Variants in CRLF2 observed in about 807,000 individuals in gnomAD.
CRLF2 encodes cytokine receptor-like factor 2.
A neutral mutation model predicts 38.7 loss-of-function variants in CRLF2; 41 were observed. The ratio of observed to expected loss-of-function variants is 1.06; its 90% CI spans 0.83 to 1.37. CRLF2 has a LOEUF of 1.37. CRLF2 is among the 40% of genes most tolerant of loss of function. The pLI is 0.00. For synonymous variants in CRLF2, 140 were observed against 128.8 expected, an observed-to-expected ratio of 1.09 and a Z score of -0.59; for missense variants, 377 against 322.2, an observed-to-expected ratio of 1.17 and a Z score of -1.30.
At position 1,198,692 on chromosome X, in the gene CRLF2, T is replaced by C; in HGVS notation, c.516A>G (p.Ile172Met). The C allele has an allele frequency of 6.2e-7, 1 of 1,612,154 alleles. No individual in the cohort carries two copies. The highest frequency in any genetic ancestry group is 8.5e-7 in the Non-Finnish European group (1 of 1,179,104). ...AACACTTCTCGGCATCCAAGCCTTC[T>C]ATGGTGACGTTGCAGGTATTTTCCT... is the stretch of plus-strand genomic sequence containing the variant. The part of the protein sequence containing the change: ...SKQENTCNVT[I>M]EGLDAEKCYS... The change falls in exon 5 of 8, where the codon ATA (isoleucine) becomes ATG (methionine). Residue 172 changes from isoleucine (I) to methionine (M), a missense_variant. Ile to Met is a conservative substitution (Grantham distance 10, BLOSUM62 1). Transcript: ENST00000400841.
intron 4 of CRLF2, among the ~76,000 whole-genome samples, chrX:1,200,552 A>G (rs1186183951): frequency 1.4e-5 from 2 of 145,104 alleles, no homozygotes; most frequent in Admixed American, 7.2e-5. Context: ...ATGTGTGGGT[A>G]TATATATGTG....
Position 1,202,554 on chromosome X carries a change from G to A in CRLF2, c.350-19C>T, listed in dbSNP as rs760188088. 2.0e-5 allele frequency: 33 copies of A among 1,613,484 alleles called. No individual in the cohort carries two copies. Among genetic ancestry groups the A allele is most frequent in the Admixed American group, 1.3e-4 (8 of 59,970 alleles). ...GGTTTCACTGAGAAGAAGAAATAAC[G>A]GAAGCGACGTCCCTCCTCTCTGAGC... On this transcript the variant is annotated intron_variant, in intron 3 of 7. Coordinates refer to ENST00000400841, the MANE Select transcript of CRLF2 (RefSeq NM_022148.4).
chrX:1,204,715 C>CG (rs1238091387), intron 3 of CRLF2, among the ~76,000 whole-genome samples: 5 of 148,364 alleles, frequency 3.4e-5, no homozygotes, highest in African/African-American at 5.0e-5. Context: ...TTAATAGAGA[C>CG]GGGGTTTCAC....
intron 2 of CRLF2, among the ~76,000 whole-genome samples, chrX:1,206,942 CTTT>C (rs766628411): frequency 0.16 from 18,435 of 115,124 alleles, 1,717 homozygotes; most frequent in Admixed American, 0.25. Context: ...ACCACACCGG[CTTT>C]TTTTTTTTTT....
In CRLF2 at chrX:1,198,736, T is replaced by TACACATACAC. The variant is rs760783098; in HGVS notation, c.484-13_484-12insGTGTATGTGT. On this transcript the variant is annotated splice_polypyrimidine_tract_variant and intron_variant, in intron 4 of 7. Transcript: ENST00000400841. ...TTTTCCTGTTTGGACTGGAGAAACA[T>TACACATACAC]ACACACACACACACACACACACACA... is the stretch of plus-strand genomic sequence containing the variant. The TACACATACAC allele has an allele frequency of 7.7e-3, 6,336 of 825,488 alleles. 296 individuals carry two copies. The highest frequency in any genetic ancestry group is 0.019 in the East Asian group (613 of 32,572). The allele number at this position is 825,488 out of a possible 1,614,324, so 51.1% of individuals were successfully genotyped here. A position where few individuals can be genotyped will look rare whatever the true frequency, so the allele number is the denominator to read the frequency against.
intron 1 of CRLF2, among the ~76,000 whole-genome samples, chrX:1,210,109 AAAAAAAG>A (rs2086768446): frequency 2.2e-5 from 2 of 90,198 alleles, no homozygotes; most frequent in African/African-American, 1.1e-4. Flanking sequence ...CTATCAAAAA[AAAAAAAG>A]AAAAGAAAAG....
Position 1,209,435 on chromosome X carries a change from C to T in CRLF2, c.80-527G>A, listed in dbSNP as rs1284012715. 4.0e-5 allele frequency among the ~76,000 whole-genome samples: 6 copies of T among 149,784 alleles called. No individual in the cohort carries two copies. The East Asian group carries it at 1.2e-3, about 30-fold the overall frequency. ...CAAGCTCCGCCTCCCGGGTTCACGC[C>T]ATTCTCCTGCCTCAGCCTCCCGAGT... On this transcript the variant is annotated intron_variant, in intron 1 of 7. Coordinates refer to ENST00000400841, the MANE Select transcript of CRLF2 (RefSeq NM_022148.4).
chrX:1,193,728 T>G (rs1271116956), intron 6 of CRLF2, among the ~76,000 whole-genome samples: 180 of 131,984 alleles, frequency 1.4e-3, no homozygotes, highest in African/African-American at 5.1e-3. Context: ...GTTTCAGTGA[T>G]CCGAGATTGC....
At chrX:1,199,892 T>C (rs1480192405) in intron 4 of CRLF2, among the ~76,000 whole-genome samples, 2 of 76,638 alleles carry the variant, frequency 2.6e-5, no homozygotes, top group Non-Finnish European at 7.3e-5. Flanking sequence ...TATGTATCTA[T>C]ATGTGTGTGT....
At chrX:1,206,354 G>A (rs1183133511) in intron 3 of CRLF2, 79 bp downstream of exon 3, 1 of 1,283,924 alleles carries the variant, frequency 7.8e-7, no homozygotes, top group African/African-American at 1.5e-5. Context: ...CGATTTGCAT[G>A]AGCTTGGTTT....
chrX:1,191,364 T>TTCTCTTTCTTTCTTTCTC (rs2086377776), intron 7 of CRLF2, among the ~76,000 whole-genome samples: 5 of 132,552 alleles, frequency 3.8e-5, no homozygotes, highest in African/African-American at 5.6e-5. Flanking sequence ...TTTCTTTCCT[T>TTCTCTTTCTTTCTTTCTC]TCTTTCTCTT....
rs367776017 is a variant in CRLF2, at chrX:1,198,546, G to T, written c.646+16C>A. 5.6e-6 allele frequency: 9 copies of T among 1,612,956 alleles called. No homozygotes were observed. The highest frequency in any genetic ancestry group is 2.2e-5 in the South Asian group (2 of 91,060). ...GGTGACAAGGCTATGGGACACTGCC[G>T]CGTAACAAGCATTACCCCGAATCTC... On this transcript the variant is annotated intron_variant, in intron 5 of 7. Transcript: ENST00000400841.
At chrX:1,194,081 T>C (rs2086439659) in intron 6 of CRLF2, among the ~76,000 whole-genome samples, 1 of 145,782 alleles carries the variant, frequency 6.9e-6, no homozygotes, top group South Asian at 2.2e-4. Context: ...TCTGAGATTG[T>C]GCCACTGCTC....
chrX:1,192,210 A>G (rs1156563754), intron 7 of CRLF2, among the ~76,000 whole-genome samples: 3 of 120,548 alleles, frequency 2.5e-5, no homozygotes, highest in South Asian at 2.7e-4. Flanking sequence ...GTCTCAAAAA[A>G]AAAAAAAAAA....
intron 7 of CRLF2, among the ~76,000 whole-genome samples, chrX:1,192,716 CT>C (rs1217262965): frequency 3.1e-5 from 1 of 32,686 alleles, no homozygotes; most frequent in Non-Finnish European, 5.5e-5. Flanking sequence ...TCTTTTCTTT[CT>C]TTCTTTCTTT....
chrX:1,195,017 G>T (rs1264751618), intron 6 of CRLF2, among the ~76,000 whole-genome samples: 1 of 151,834 alleles, frequency 6.6e-6, no homozygotes, highest in Non-Finnish European at 1.5e-5. Flanking sequence ...GGGTGACAGA[G>T]TGAGACTCAG....
intron 3 of CRLF2, among the ~76,000 whole-genome samples, chrX:1,203,927 A>T (rs1378967306): frequency 1.3e-5 from 2 of 152,222 alleles, no homozygotes; most frequent in East Asian, 1.9e-4. Flanking sequence ...ATAAAAAAGT[A>T]AAAAAGAAAC....
chrX:1,201,658 GAGAC>G (rs1159714810), intron 4 of CRLF2, among the ~76,000 whole-genome samples: 2 of 136,928 alleles, frequency 1.5e-5, no homozygotes, highest in East Asian at 4.1e-4. Flanking sequence ...ATTAGATAGA[GAGAC>G]AGACAGACAG....
chrX:1,207,896 C>T (rs1408825939), intron 2 of CRLF2, among the ~76,000 whole-genome samples: 5 of 152,138 alleles, frequency 3.3e-5, no homozygotes, highest in African/African-American at 1.2e-4. Context: ...ATGATCCACC[C>T]ACCTCGGTCT....
Sources: allele counts gnomAD v4.1 joint callset (sites outside exome capture counted in the v4.1 genomes callset), GRCh38; gene constraint gnomAD v4.1.1; transcripts MANE v1.5; gene names NCBI Gene and HGNC (gene_info 2026-07-23, HGNC 2026-07-21).